The following CAMSAP1 variants were observed in gnomAD, a reference collection of about 807,000 sequenced individuals.
The protein encoded by CAMSAP1 is calmodulin-regulated spectrin-associated protein 1.
A neutral mutation model predicts 143.5 loss-of-function variants in CAMSAP1; 58 were observed. The ratio of observed to expected loss-of-function variants is 0.40; its 90% CI spans 0.33 to 0.50. The LOEUF (loss-of-function observed/expected upper bound fraction) is 0.50. CAMSAP1 is among the 20% of genes least tolerant of loss of function. The pLI, the probability that CAMSAP1 is intolerant of heterozygous loss-of-function variation, is 0.45. For missense variants in CAMSAP1, 1,969 were observed against 2,115.7 expected (o/e 0.93, Z 1.36); for synonymous variants, 945 against 859.3 (o/e 1.10, Z -1.74).
At chr9:135,865,433 G>A (rs1588486107) in intron 4 of CAMSAP1, 1 of 1,455,522 alleles carries the variant, frequency 6.9e-7, no homozygotes, top group East Asian at 2.5e-5. Flanking sequence ...TGTGGACGAG[G>A]TAACACACAC....
rs181495379 is a variant in CAMSAP1, at chr9:135,860,053, A to T, written c.808+2414T>A. On this transcript the variant is annotated intron_variant, in intron 5 of 16. Transcript: ENST00000389532. ...AACCCTATCTCCACAAAAAAAAAAA[A>T]AATAAAAAAATACAAAAGTTAGCCA... Among the ~76,000 whole-genome samples, 655 of 150,804 alleles carry T rather than the reference A, an allele frequency of 4.3e-3. 2 individuals are homozygous for T. Among genetic ancestry groups the T allele is most frequent in the Non-Finnish European group, 6.9e-3 (470 of 67,820 alleles).
intron 5 of CAMSAP1, among the ~76,000 whole-genome samples, chr9:135,858,493 A>G (rs1837057927): frequency 2.0e-5 from 3 of 152,174 alleles, no homozygotes; most frequent in African/African-American, 7.2e-5. Flanking sequence ...TCTTTCCCCT[A>G]TGATCCATGA....
At chr9:135,834,160 TGAG>T (rs562414063) in intron 7 of CAMSAP1, among the ~76,000 whole-genome samples, 163 of 152,282 alleles carry the variant, frequency 1.1e-3, no homozygotes, top group African/African-American at 3.6e-3. Flanking sequence ...AGATGAGTAT[TGAG>T]GAGAATGTGG....
chr9:135,883,811 A>G (rs1838034884), intron 1 of CAMSAP1, among the ~76,000 whole-genome samples: 1 of 152,214 alleles, frequency 6.6e-6, no homozygotes, highest in Admixed American at 6.5e-5. Flanking sequence ...GGCACAGAGA[A>G]AGTAAGTGCT....
intron 11 of CAMSAP1, among the ~76,000 whole-genome samples, chr9:135,819,602 G>A (rs1356377990): frequency 6.6e-6 from 1 of 151,242 alleles, no homozygotes; most frequent in African/African-American, 2.4e-5. Flanking sequence ...GGGAGGCCAA[G>A]GAGAGTGGAT....
intron 1 of CAMSAP1, among the ~76,000 whole-genome samples, chr9:135,890,722 C>T (rs1183607232): frequency 6.6e-6 from 1 of 152,200 alleles, no homozygotes; most frequent in African/African-American, 2.4e-5. Flanking sequence ...CCGCTGGAAG[C>T]CAACGGAAAC....
At position 135,811,601 on chromosome 9, in the gene CAMSAP1, T is replaced by G. The variant is rs1268791336; in HGVS notation, c.4517A>C (p.Lys1506Thr). 1 of 1,587,632 alleles carries G rather than the reference T, an allele frequency of 6.3e-7. No individual in the cohort carries two copies. Among genetic ancestry groups the G allele is most frequent in the East Asian group, 2.3e-5 (1 of 43,758 alleles). Reference sequence around the variant, plus strand: ...TATGATGTAGTGATTGGCATCACACTTCTCCAGCTCCTGTGCAGAGAGAGA... The same window carrying G: ...TATGATGTAGTGATTGGCATCACACGTCTCCAGCTCCTGTGCAGAGAGAGA... ...HKNSILEELE[K>T]CDANHYIILF... The change falls in exon 17 of 17, where the codon AAG (lysine) becomes ACG (threonine). Residue 1506 changes from lysine to threonine, a missense_variant. Lys to Thr is a moderately conservative substitution (Grantham distance 78). This residue lies in a region of CAMSAP1 where 143 missense variants were observed against 200.6 expected (regional missense o/e 0.71). Coordinates refer to ENST00000389532, the MANE Select transcript of CAMSAP1 (RefSeq NM_015447.4). The surrounding 1 kb of genome is among the most constrained non-coding windows in gnomAD (Gnocchi z 4.9).
At chr9:135,840,772 C>G (rs1836313418) in intron 7 of CAMSAP1, among the ~76,000 whole-genome samples, 1 of 152,104 alleles carries the variant, frequency 6.6e-6, no homozygotes, top group South Asian at 2.1e-4. Context: ...CGGGGAACTC[C>G]CTCTTCCAGC....
Position 135,865,875 on chromosome 9 carries a change from T to C in CAMSAP1, c.666+581A>G, listed in dbSNP as rs114093362. ...ACTGCCCTTCAAAGGCGAGACCTTA[T>C]AGATGGTCGGGCTGCATCTTGTGTG... On this transcript the variant is annotated intron_variant, in intron 4 of 16. Coordinates refer to ENST00000389532, the MANE Select transcript of CAMSAP1 (RefSeq NM_015447.4). 8.5e-3 allele frequency among the ~76,000 whole-genome samples: 1,289 copies of C among 152,320 alleles called. 25 individuals are homozygous for C. The highest frequency in any genetic ancestry group is 0.029 in the African/African-American group (1,226 of 41,574).
intron 7 of CAMSAP1, chr9:135,836,495 C>T (rs963432738): frequency 2.0e-6 from 2 of 984,192 alleles, no homozygotes; most frequent in African/African-American, 3.5e-5. Flanking sequence ...TCTACAGACA[C>T]ACATCACCAC....
intron 3 of CAMSAP1, among the ~76,000 whole-genome samples, chr9:135,872,043 T>G (rs1448954050): frequency 6.6e-6 from 1 of 151,542 alleles, no homozygotes; most frequent in African/African-American, 2.4e-5. Context: ...GAGGCTGCAG[T>G]GAACCGAGAT....
intron 5 of CAMSAP1, among the ~76,000 whole-genome samples, chr9:135,854,191 C>G (rs1368221305): frequency 6.6e-6 from 1 of 152,180 alleles, no homozygotes; most frequent in African/African-American, 2.4e-5. Context: ...TGTGTTGACT[C>G]CTGAGTCCGT....
At chr9:135,881,546 G>GT in intron 3 of CAMSAP1, 87 bp downstream of exon 3, 1 of 1,431,596 alleles carries the variant, frequency 7.0e-7, no homozygotes, top group Non-Finnish European at 9.5e-7. Context: ...GGGTCTCAGC[G>GT]TGACAGACAA....
At chr9:135,878,628 G>A (rs891365051) in intron 3 of CAMSAP1, among the ~76,000 whole-genome samples, 2 of 152,192 alleles carry the variant, frequency 1.3e-5, no homozygotes, top group South Asian at 2.1e-4. Flanking sequence ...AAAGCTTTGG[G>A]GCACAGCTCG....
intron 1 of CAMSAP1, among the ~76,000 whole-genome samples, chr9:135,895,142 C>T (rs1043800173): frequency 2.0e-5 from 3 of 152,174 alleles, no homozygotes; most frequent in Admixed American, 6.5e-5. Context: ...AGGGTTCTAT[C>T]ACCGGAGCCC....
chr9:135,863,888 C>A (rs1416276547), intron 4 of CAMSAP1, among the ~76,000 whole-genome samples: 1 of 152,142 alleles, frequency 6.6e-6, no homozygotes, highest in Non-Finnish European at 1.5e-5. Context: ...GGAACACAGG[C>A]ATGCGGGAAA....
At position 135,821,606 on chromosome 9, in the gene CAMSAP1, C is replaced by G. The variant is rs138631342; in HGVS notation, c.3055G>C (p.Glu1019Gln). Reference sequence around the variant, plus strand: ...AGCTTCTCGATGGAAAGGTCACATTCATTCACGTCGACAACCTCCCCAACA... The same window carrying G: ...AGCTTCTCGATGGAAAGGTCACATTGATTCACGTCGACAACCTCCCCAACA... ...DTVGEVVDVNECDLSIEKLNE... is the reference protein window; with the variant it reads ...DTVGEVVDVNQCDLSIEKLNE... The change falls in exon 11 of 17, where the codon GAA becomes CAA. Residue 1019 changes from glutamate (E) to glutamine (Q), a missense_variant. This residue lies in a region of CAMSAP1 where 1,390 missense variants were observed against 1,420.8 expected (regional missense o/e 0.98). Transcript: ENST00000389532. This position sits in a 1 kb window ranked among gnomAD's most constrained non-coding sequence, Gnocchi z 4.6. The G allele has an allele frequency of 1.8e-5, 29 of 1,613,890 alleles. No homozygotes were observed. The highest frequency in any genetic ancestry group is 2.4e-5 in the Non-Finnish European group (28 of 1,179,884).
At chr9:135,837,458 C>T (rs867803166) in intron 7 of CAMSAP1, among the ~76,000 whole-genome samples, 2 of 149,906 alleles carry the variant, frequency 1.3e-5, no homozygotes, top group African/African-American at 2.5e-5. Flanking sequence ...CGTCATCACG[C>T]GCTTTCTACC....
At chr9:135,887,149 T>C (rs1838149709) in intron 1 of CAMSAP1, among the ~76,000 whole-genome samples, 1 of 152,066 alleles carries the variant, frequency 6.6e-6, no homozygotes, top group Non-Finnish European at 1.5e-5. Flanking sequence ...TGGGAGAAGC[T>C]GGTCAAGGCA....
Sources: gnomAD v4.1 joint callset for allele counts (sites outside exome capture counted in the v4.1 genomes callset) on GRCh38, gnomAD v4.1.1 for gene constraint, gnomAD v4.1.1 regional missense constraint, Gnocchi (gnomAD v3.1) non-coding constraint, MANE v1.5 for transcripts, NCBI Gene and HGNC (gene_info 2026-07-23, HGNC 2026-07-21) for gene names.